Variants in IL20RB observed in about 807,000 individuals in gnomAD.
The protein encoded by IL20RB is interleukin-20 receptor subunit beta.
Under a neutral mutation model 33.3 loss-of-function variants are expected in IL20RB, and 21 were observed. That is an observed-to-expected ratio of 0.63 (90% CI 0.45 to 0.91). The LOEUF (loss-of-function observed/expected upper bound fraction) is 0.91. IL20RB is among the 40% of genes least tolerant of loss of function. IL20RB has a pLI of 0.00. For missense variants in IL20RB, 345 were observed against 384.8 expected, an observed-to-expected ratio of 0.90 and a Z score of 0.86; for synonymous variants, 147 against 146.8, an observed-to-expected ratio of 1.00 and a Z score of -0.01.
chr3:136,973,400 A>C (rs1431794926), intron 1 of IL20RB, among the ~76,000 whole-genome samples: 1 of 151,900 alleles, frequency 6.6e-6, no homozygotes. Context: ...CCGAGGCAGG[A>C]GAATTGCTTG....
intron 6 of IL20RB, among the ~76,000 whole-genome samples, chr3:137,008,809 TTAAA>T (rs567078918): frequency 4.3e-3 from 650 of 152,324 alleles, no homozygotes; most frequent in Non-Finnish European, 7.3e-3. Flanking sequence ...GATATATTTG[TTAAA>T]TAAAATATAT....
Position 137,000,643 on chromosome 3 carries a change from T to G in IL20RB, c.825+5087T>G, listed in dbSNP as rs1172682573. ...GGTGCTCTCCTGACATAAGTGGAAG[T>G]AGAAACCTGCAATAAAAGAGGAATC... On this transcript the variant is annotated intron_variant, in intron 6 of 6. Transcript: ENST00000329582. Among the ~76,000 whole-genome samples, 8 of 152,318 alleles carry G rather than the reference T, an allele frequency of 5.3e-5. No homozygotes were observed. In the South Asian group the frequency reaches 1.7e-3, roughly 32 times the overall value.
At chr3:137,004,639 A>G (rs527534302) in intron 6 of IL20RB, among the ~76,000 whole-genome samples, 18 of 152,166 alleles carry the variant, frequency 1.2e-4, no homozygotes, top group African/African-American at 4.3e-4. Context: ...TGTTGCGTCT[A>G]TTTGATTCTT....
chr3:136,989,694 C>G (rs1426232478), intron 4 of IL20RB, 129 bp downstream of exon 4: 2 of 999,474 alleles, frequency 2.0e-6, no homozygotes, highest in Non-Finnish European at 3.0e-6. Context: ...GTGAAGTGTG[C>G]AAAAGATGAG....
chr3:136,961,011 G>A (rs1015875982), intron 1 of IL20RB, among the ~76,000 whole-genome samples: 2 of 152,180 alleles, frequency 1.3e-5, no homozygotes, highest in Admixed American at 1.3e-4. Context: ...GGGCTTTTTG[G>A]TGGGTAGCCT....
At chr3:136,975,831 C>T (rs879304035) in intron 1 of IL20RB, among the ~76,000 whole-genome samples, 19 of 152,146 alleles carry the variant, frequency 1.2e-4, no homozygotes, top group Admixed American at 2.0e-4. Context: ...GTTATGTATG[C>T]GGGCACTGGT....
chr3:136,990,497 C>T (rs989686658), intron 4 of IL20RB, among the ~76,000 whole-genome samples: 21 of 152,110 alleles, frequency 1.4e-4, no homozygotes, highest in Non-Finnish European at 2.4e-4. Context: ...TATGATGTGC[C>T]CCCAGCCTCT....
At chr3:136,986,702 T>G (rs1179000392) in intron 3 of IL20RB, 1 of 456,696 alleles carries the variant, frequency 2.2e-6, no homozygotes, top group Non-Finnish European at 4.4e-6. Flanking sequence ...AGGAACTGCC[T>G]TTCTTCTGAG....
At position 136,958,005 on chromosome 3, in the gene IL20RB, G is replaced by A. The variant is rs772285091; in HGVS notation, c.-109G>A. On this transcript the variant is annotated 5_prime_UTR_variant, in exon 1 of 7. Transcript: ENST00000329582. Reference sequence around the variant, plus strand: ...TCTAGAACAATTCAGGCTTCGCTGCGACTCAGACCTCAGCTCCAACATATG... The same window carrying A: ...TCTAGAACAATTCAGGCTTCGCTGCAACTCAGACCTCAGCTCCAACATATG... The A allele has an allele frequency of 3.2e-5, 23 of 721,982 alleles. No homozygotes were observed. The highest frequency in any genetic ancestry group is 1.6e-4 in the Admixed American group (7 of 43,046). 44.7% of individuals were successfully genotyped at this position (721,982 alleles called of 1,614,324 possible). A position where few individuals can be genotyped will look rare whatever the true frequency, so the allele number is the denominator to read the frequency against.
chr3:137,006,461 CTT>C (rs201304646), intron 6 of IL20RB, among the ~76,000 whole-genome samples: 19 of 148,716 alleles, frequency 1.3e-4, no homozygotes, highest in Admixed American at 1.1e-3. Flanking sequence ...GCTTTGTTCA[CTT>C]TTTTTTTTAA....
intron 5 of IL20RB, among the ~76,000 whole-genome samples, chr3:136,993,910 G>A (rs1455396089): frequency 6.6e-6 from 1 of 152,050 alleles, no homozygotes; most frequent in African/African-American, 2.4e-5. Context: ...CTACTGGAAA[G>A]GCTGAGGCAT....
chr3:136,971,846 A>T (rs1205032134), intron 1 of IL20RB, among the ~76,000 whole-genome samples: 1 of 152,192 alleles, frequency 6.6e-6, no homozygotes, highest in Non-Finnish European at 1.5e-5. Flanking sequence ...CTTTGGGTAG[A>T]TACCCAGTAG....
chr3:137,007,922 G>A (rs553280004), intron 6 of IL20RB, among the ~76,000 whole-genome samples: 7 of 152,204 alleles, frequency 4.6e-5, no homozygotes, highest in African/African-American at 1.4e-4. Flanking sequence ...ATCTTGGAAC[G>A]CAATCCCACC....
intron 1 of IL20RB, among the ~76,000 whole-genome samples, chr3:136,972,335 G>A (rs2163896): frequency 0.47 from 70,859 of 151,926 alleles, 17,040 homozygotes; most frequent in East Asian, 0.7. Flanking sequence ...TTAGTTTAAT[G>A]CAGTCCCATT....
intron 3 of IL20RB, among the ~76,000 whole-genome samples, chr3:136,988,324 C>G (rs1026071543): frequency 3.3e-5 from 5 of 152,192 alleles, no homozygotes; most frequent in Non-Finnish European, 5.9e-5. Context: ...CCCTTCTGTT[C>G]TTGGTCTGCT....
intron 1 of IL20RB, among the ~76,000 whole-genome samples, chr3:136,966,790 G>C (rs2108177248): frequency 2.3e-5 from 1 of 43,818 alleles, no homozygotes; most frequent in Non-Finnish European, 4.0e-5. Context: ...TGTGATGTTA[G>C]GGTGTCAATT....
intron 1 of IL20RB, among the ~76,000 whole-genome samples, chr3:136,960,138 CTTTTTTTTTTTT>C (rs10540948): frequency 4.4e-3 from 159 of 36,196 alleles, no homozygotes; most frequent in Non-Finnish European, 6.5e-3. Flanking sequence ...AGAGTTGTGG[CTTTTTTTTTTTT>C]TTTTTTTTTT....
Position 136,992,095 on chromosome 3 carries a change from A to G in IL20RB, c.682+7A>G. 1 of 1,613,770 alleles carries G rather than the reference A, an allele frequency of 6.2e-7. No homozygotes were observed. The highest frequency in any genetic ancestry group is 1.7e-5 in the Admixed American group (1 of 60,012). Reference sequence around the variant, plus strand: ...GAATGTGTGGAGGTGCAAGGTAAGGATGGCTTCTCTGTCCCTGGAGCCCTG... The same window carrying G: ...GAATGTGTGGAGGTGCAAGGTAAGGGTGGCTTCTCTGTCCCTGGAGCCCTG... On this transcript the variant is annotated splice_region_variant and intron_variant, in intron 5 of 6. Coordinates refer to ENST00000329582, the MANE Select transcript of IL20RB (RefSeq NM_144717.4).
chr3:136,994,128 G>A (rs1169966754), intron 5 of IL20RB, among the ~76,000 whole-genome samples: 1 of 152,036 alleles, frequency 6.6e-6, no homozygotes, highest in Admixed American at 6.5e-5. Flanking sequence ...ATTAGTTTTT[G>A]GAATTAAAAT....
Sources: gnomAD v4.1 joint callset for allele counts (sites outside exome capture counted in the v4.1 genomes callset) on GRCh38, gnomAD v4.1.1 for gene constraint, MANE v1.5 for transcripts, NCBI Gene and HGNC (gene_info 2026-07-23, HGNC 2026-07-21) for gene names.